POC1B: variants seen among roughly 807,000 people sequenced by gnomAD.
POC1B encodes POC1 centriolar protein homolog B.
In POC1B, 44 loss-of-function variants were observed where a neutral mutation model predicts 60.6. The observed-to-expected ratio is 0.73, with a 90% CI of 0.57 to 0.93. The LOEUF (loss-of-function observed/expected upper bound fraction) is 0.93. Among genes scored for constraint, POC1B ranks in the 40% least tolerant of loss-of-function variants. The probability of loss-of-function intolerance (pLI) is 0.00; values close to 1 mark genes in which losing one functional copy is unlikely to be tolerated. For missense variants in POC1B, 555 were observed against 572.3 expected (o/e 0.97, Z 0.31); for synonymous variants, 180 against 198.9 (o/e 0.90, Z 0.80).
intron 2 of POC1B, among the ~76,000 whole-genome samples, chr12:89,507,218 T>C (rs1208777532): frequency 7.0e-6 from 1 of 143,526 alleles, no homozygotes; most frequent in Non-Finnish European, 1.5e-5. Context: ...TGAGCCACGA[T>C]TGCGCCACTG....
intron 2 of POC1B, chr12:89,500,484 C>G (rs1344605303): frequency 1.9e-6 from 3 of 1,588,922 alleles, no homozygotes; most frequent in African/African-American, 1.3e-5. Context: ...AAAAATACAC[C>G]TGACTTGAAA....
chr12:89,500,376 C>A, intron 2 of POC1B: 2 of 1,495,582 alleles, frequency 1.3e-6, no homozygotes, highest in Non-Finnish European at 1.9e-6. Flanking sequence ...AAGAAAGAAG[C>A]CTCTCTGCAG....
intron 10 of POC1B, among the ~76,000 whole-genome samples, chr12:89,457,823 T>C (rs1301894050): frequency 6.6e-6 from 1 of 152,224 alleles, no homozygotes; most frequent in Non-Finnish European, 1.5e-5. Flanking sequence ...CTATTAAATG[T>C]CATGTGTTTG....
intron 2 of POC1B, among the ~76,000 whole-genome samples, chr12:89,515,916 C>T (rs76467544): frequency 0.02 from 3,103 of 152,226 alleles, 82 homozygotes; most frequent in African/African-American, 0.066. Flanking sequence ...CGTTCAATCC[C>T]TTGACTCTCC....
chr12:89,442,266 T>C (rs886751750), intron 10 of POC1B, among the ~76,000 whole-genome samples: 1 of 152,124 alleles, frequency 6.6e-6, no homozygotes, highest in African/African-American at 2.4e-5. Context: ...GCCACAAAGA[T>C]ACTCCTTAAG....
chr12:89,402,455 A>T, the POC1B span, among the ~76,000 whole-genome samples: 3 of 152,124 alleles, frequency 2.0e-5, no homozygotes, highest in Admixed American at 1.3e-4. Flanking sequence ...GTTGTTGGAC[A>T]GATTTTGTTA....
intron 10 of POC1B, among the ~76,000 whole-genome samples, chr12:89,439,760 T>C (rs946232277): frequency 6.6e-6 from 1 of 152,068 alleles, no homozygotes; most frequent in Non-Finnish European, 1.5e-5. Context: ...TGTACAACCA[T>C]GCCTGGCTAA....
rs747769724 is a variant in POC1B, at chr12:89,525,938, C to T, written c.-43G>A. ...CAAGGCTCCTGTGGGTGGGGGAACC[C>T]GGAGAGGGGAGGGGAGAGGATGGGG... On this transcript the variant is annotated 5_prime_UTR_variant, in exon 1 of 12. Transcript: ENST00000313546. 21 of 1,529,924 alleles carry T rather than the reference C, an allele frequency of 1.4e-5. No individual in the cohort carries two copies. Among genetic ancestry groups the T allele is most frequent in the Non-Finnish European group, 1.8e-5 (21 of 1,135,296 alleles). The allele number at this position is 1,529,924 out of a possible 1,614,324, so 94.8% of individuals were successfully genotyped here. A position where few individuals can be genotyped will look rare whatever the true frequency, so the allele number is the denominator to read the frequency against.
At chr12:89,486,934 G>GACACACAT (rs982702020) in intron 4 of POC1B, among the ~76,000 whole-genome samples, 15 of 150,182 alleles carry the variant, frequency 1.0e-4, no homozygotes, top group Non-Finnish European at 1.6e-4. Context: ...CACACACACA[G>GACACACAT]ACACACATAC....
At chr12:89,448,885 A>G (rs953001309) in intron 10 of POC1B, among the ~76,000 whole-genome samples, 2 of 152,210 alleles carry the variant, frequency 1.3e-5, no homozygotes, top group Admixed American at 6.5e-5. Flanking sequence ...TTAAATTCCC[A>G]AAGTAGCCTT....
downstream of POC1B, among the ~76,000 whole-genome samples, chr12:89,415,037 C>A (rs190659437): frequency 1.3e-5 from 2 of 152,204 alleles, no homozygotes; most frequent in Admixed American, 1.3e-4. Context: ...CCAAGCCCTT[C>A]CCCCACTTCT....
intron 4 of POC1B, among the ~76,000 whole-genome samples, chr12:89,484,097 A>T (rs1212924204): frequency 6.6e-6 from 1 of 152,244 alleles, no homozygotes; most frequent in African/African-American, 2.4e-5. Context: ...TTAAGGATAC[A>T]TATTGTAATC....
At chr12:89,473,732 T>C (rs1373667289) in intron 4 of POC1B, among the ~76,000 whole-genome samples, 1 of 149,642 alleles carries the variant, frequency 6.7e-6, no homozygotes, top group East Asian at 1.9e-4. Flanking sequence ...TGCTGGGTAG[T>C]TTACCCTGAT....
At chr12:89,418,817 T>A (rs945454757), downstream of POC1B, among the ~76,000 whole-genome samples, 1 of 152,200 alleles carries the variant, frequency 6.6e-6, no homozygotes, top group Non-Finnish European at 1.5e-5. Flanking sequence ...CTATGCTTCT[T>A]GTGCAGTGTG....
chr12:89,453,968 C>CA (rs2120779979), intron 10 of POC1B, among the ~76,000 whole-genome samples: 1 of 152,112 alleles, frequency 6.6e-6, no homozygotes, highest in East Asian at 1.9e-4. Flanking sequence ...TAGGCTGATG[C>CA]AAAAAAACTT....
At chr12:89,414,716 T>C in the POC1B span, among the ~76,000 whole-genome samples, 1 of 152,242 alleles carries the variant, frequency 6.6e-6, no homozygotes, top group Non-Finnish European at 1.5e-5. Context: ...AATTTGCTCA[T>C]AGATTGATCA....
chr12:89,407,468 C>T, the POC1B span, among the ~76,000 whole-genome samples: 1 of 152,038 alleles, frequency 6.6e-6, no homozygotes, highest in Admixed American at 6.6e-5. Context: ...AAACTCCTAA[C>T]CTCGAGTGAT....
rs765823491 is a variant in POC1B, at chr12:89,425,369, G to C, written c.1124C>G (p.Thr375Ser). The C allele has an allele frequency of 8.7e-6, 14 of 1,612,514 alleles. No individual in the cohort carries two copies. The highest frequency in any genetic ancestry group is 2.5e-6 in the Non-Finnish European group (3 of 1,179,376). ...CTTGTCTGGCAGAGTCCTACCACTG[G>C]TTTCTGTTGTCTTTAATGTCACAGA... ...LSFDSTTTTE[T>S]SGRTLPDKGE... is the part of the protein sequence containing the mutation. Residue 375 changes from threonine (T) to serine (S), a missense_variant, in exon 11 of 12, where the codon ACC becomes AGC. Coordinates refer to ENST00000313546, the MANE Select transcript of POC1B (RefSeq NM_172240.3).
intron 11 of POC1B, 112 bp downstream of exon 11, chr12:89,425,049 G>A (rs1183449663): frequency 9.3e-7 from 1 of 1,074,666 alleles, no homozygotes; most frequent in Non-Finnish European, 1.4e-6. Flanking sequence ...AGTTTGCTTT[G>A]CTAGTATAGA....
Sources: allele counts gnomAD v4.1 joint callset (sites outside exome capture counted in the v4.1 genomes callset), GRCh38; gene constraint gnomAD v4.1.1; transcripts MANE v1.5; gene names NCBI Gene and HGNC (gene_info 2026-07-23, HGNC 2026-07-21).